The following SCCPDH variants were observed in gnomAD, a reference collection of about 807,000 sequenced individuals.
SCCPDH encodes the protein saccharopine dehydrogenase (putative), also known as saccharopine dehydrogenase-like oxidoreductase.
In SCCPDH, 34 loss-of-function variants were observed where a neutral mutation model predicts 51.5. That is an observed-to-expected ratio of 0.66 (90% CI 0.50 to 0.88). The LOEUF (loss-of-function observed/expected upper bound fraction) is 0.88. SCCPDH is among the 40% of genes least tolerant of loss of function. The pLI is 0.00. For missense variants in SCCPDH, 464 were observed against 527.1 expected, an observed-to-expected ratio of 0.88 and a Z score of 1.17; for synonymous variants, 187 against 191.3, an observed-to-expected ratio of 0.98 and a Z score of 0.19.
intron 2 of SCCPDH, among the ~76,000 whole-genome samples, chr1:246,732,541 C>T (rs1668507152): frequency 6.6e-6 from 1 of 152,076 alleles, no homozygotes; most frequent in Non-Finnish European, 1.5e-5. Flanking sequence ...GCTCATGCCG[C>T]CACACCTAGC....
At position 246,759,041 on chromosome 1, in the gene SCCPDH, A is replaced by T. The variant is rs142346609; in HGVS notation, c.703A>T (p.Ile235Phe). 2 of 1,594,908 alleles carry T rather than the reference A, an allele frequency of 1.3e-6. No individual in the cohort carries two copies. Among genetic ancestry groups the T allele is most frequent in the African/African-American group, 2.7e-5 (2 of 74,454 alleles). Residue 235 changes from isoleucine (I) to phenylalanine (F), a missense_variant, in exon 7 of 12, where the codon ATT becomes TTT. By Grantham distance (21) the Ile-to-Phe change is conservative. Coordinates refer to ENST00000366510, the MANE Select transcript of SCCPDH (RefSeq NM_016002.3). Reference protein sequence around the residue: ...IGPKLKRRWPISYCRELKGYS... With the variant: ...IGPKLKRRWPFSYCRELKGYS... ...CATAGGTCTGTCTTGCAGGTGGCCA[A>T]TTTCTTATTGTCGGGAACTCAAAGG...
At chr1:246,731,803 T>C (rs985115293) in intron 2 of SCCPDH, among the ~76,000 whole-genome samples, 1 of 152,208 alleles carries the variant, frequency 6.6e-6, no homozygotes, top group African/African-American at 2.4e-5. Flanking sequence ...CATGCTGGCC[T>C]GCTGCACCCA....
chr1:246,751,161 T>G (rs1349178588), intron 5 of SCCPDH, among the ~76,000 whole-genome samples: 1 of 152,258 alleles, frequency 6.6e-6, no homozygotes, highest in Non-Finnish European at 1.5e-5. Flanking sequence ...TATTTGACAA[T>G]TAGCAGATCA....
At chr1:246,736,573 C>T (rs1032145325) in intron 3 of SCCPDH, among the ~76,000 whole-genome samples, 9 of 152,126 alleles carry the variant, frequency 5.9e-5, no homozygotes, top group Admixed American at 3.3e-4. Flanking sequence ...TGGTGGCGGG[C>T]ACCTGTCATC....
chr1:246,756,544 G>T (rs563327826), intron 5 of SCCPDH, among the ~76,000 whole-genome samples: 12 of 152,230 alleles, frequency 7.9e-5, no homozygotes, highest in Admixed American at 6.5e-4. Context: ...TGGCTTAGTT[G>T]TATAAGAAAA....
At chr1:246,742,575 C>T (rs539389017) in intron 4 of SCCPDH, among the ~76,000 whole-genome samples, 16 of 152,152 alleles carry the variant, frequency 1.1e-4, no homozygotes, top group Non-Finnish European at 2.4e-4. Context: ...GTGAGTTATA[C>T]GTTAATGATC....
chr1:246,759,208 T>G, intron 7 of SCCPDH, 57 bp downstream of exon 7: 2 of 955,514 alleles, frequency 2.1e-6, no homozygotes, highest in Non-Finnish European at 3.4e-6. Flanking sequence ...CTCTTTCTAT[T>G]CAGTGTGGGA....
At chr1:246,740,415 G>T in intron 4 of SCCPDH, 114 bp downstream of exon 4, 2 of 855,180 alleles carry the variant, frequency 2.3e-6, no homozygotes, top group Non-Finnish European at 3.5e-6. Context: ...GCCATAAATG[G>T]GTAATATTAA....
chr1:246,724,420 G>C lies in SCCPDH; in HGVS notation c.-3G>C. On this transcript the variant is annotated 5_prime_UTR_variant, in exon 1 of 12. Transcript: ENST00000366510. ...CGGGGCCTGGGCTCGCTGTGGACTC[G>C]TCATGGCGACCGAGCAGAGGCCTTT... 1 of 1,566,422 alleles carries C rather than the reference G, an allele frequency of 6.4e-7. No homozygotes were observed. Among genetic ancestry groups the C allele is most frequent in the Non-Finnish European group, 8.6e-7 (1 of 1,159,752 alleles).
At chr1:246,733,010 C>G (rs1668514310) in intron 2 of SCCPDH, among the ~76,000 whole-genome samples, 1 of 152,230 alleles carries the variant, frequency 6.6e-6, no homozygotes, top group African/African-American at 2.4e-5. Context: ...GTCTCAGAGT[C>G]TTCCCTCTTT....
At chr1:246,729,226 A>G (rs898475249) in intron 2 of SCCPDH, among the ~76,000 whole-genome samples, 2 of 152,234 alleles carry the variant, frequency 1.3e-5, no homozygotes, top group South Asian at 2.1e-4. Flanking sequence ...ACGCACTGTC[A>G]TTGATAAACA....
At chr1:246,751,270 G>GT (rs1047824320) in intron 5 of SCCPDH, among the ~76,000 whole-genome samples, 3 of 152,104 alleles carry the variant, frequency 2.0e-5, no homozygotes, top group Non-Finnish European at 2.9e-5. Flanking sequence ...CTGACCATAA[G>GT]TTTTTTATAG....
At chr1:246,746,743 A>T (rs1668767569) in intron 5 of SCCPDH, among the ~76,000 whole-genome samples, 1 of 152,202 alleles carries the variant, frequency 6.6e-6, no homozygotes, top group Non-Finnish European at 1.5e-5. Flanking sequence ...CGGGTCATGG[A>T]GACAGGAGAA....
chr1:246,726,615 G>A (rs1320745748), intron 1 of SCCPDH, among the ~76,000 whole-genome samples: 1 of 152,100 alleles, frequency 6.6e-6, no homozygotes, highest in Non-Finnish European at 1.5e-5. Context: ...AAATTGTCAT[G>A]TTACACAGGG....
chr1:246,743,061 G>T (rs1668703193), intron 4 of SCCPDH, among the ~76,000 whole-genome samples: 1 of 152,102 alleles, frequency 6.6e-6, no homozygotes, highest in African/African-American at 2.4e-5. Flanking sequence ...TAAGCCTTTT[G>T]AAAGCTGTCA....
chr1:246,767,148 C>T, intron 11 of SCCPDH, 47 bp from the exon 12 acceptor site: 3 of 1,346,076 alleles, frequency 2.2e-6, no homozygotes, highest in South Asian at 2.7e-5. Context: ...AAATAGGAGA[C>T]TGGAGAGGAG....
chr1:246,756,252 A>G (rs1483021203), intron 5 of SCCPDH, among the ~76,000 whole-genome samples: 2 of 152,188 alleles, frequency 1.3e-5, no homozygotes, highest in Non-Finnish European at 2.9e-5. Flanking sequence ...ATTTCTGTAG[A>G]GCTTAGAAAC....
At chr1:246,764,678 T>G (rs1258473927) in intron 10 of SCCPDH, among the ~76,000 whole-genome samples, 1 of 152,262 alleles carries the variant, frequency 6.6e-6, no homozygotes, top group African/African-American at 2.4e-5. Flanking sequence ...GTAATTATAA[T>G]GTCAGTCAAA....
At chr1:246,725,212 C>T (rs1168320083) in intron 1 of SCCPDH, among the ~76,000 whole-genome samples, 1 of 152,052 alleles carries the variant, frequency 6.6e-6, no homozygotes, top group Non-Finnish European at 1.5e-5. Context: ...TACGTATTCT[C>T]TAAGCATTCA....
Sources: allele counts gnomAD v4.1 joint callset (sites outside exome capture counted in the v4.1 genomes callset), GRCh38; gene constraint gnomAD v4.1.1; transcripts MANE v1.5; gene names NCBI Gene and HGNC (gene_info 2026-07-23, HGNC 2026-07-21).